Variants in BAHCC1 observed in about 807,000 individuals in gnomAD.
BAHCC1 encodes the protein BAH domain and coiled-coil containing 1.
Under a neutral mutation model 88.2 loss-of-function variants are expected in BAHCC1, and 43 were observed. The observed-to-expected ratio is 0.49, with a 90% confidence interval of 0.38 to 0.63. The LOEUF (loss-of-function observed/expected upper bound fraction) is 0.63, where lower values mean the gene tolerates loss of function less well. Among genes scored for constraint, BAHCC1 ranks in the 20% least tolerant of loss-of-function variants. The pLI is 0.00. For synonymous variants in BAHCC1, 1,510 were observed against 745.5 expected (o/e 2.03, Z -16.71); for missense variants, 3,023 against 1,654.8 (o/e 1.83, Z -14.34).
At chr17:81,424,388 C>G (rs2064149855) in intron 2 of BAHCC1, among the ~76,000 whole-genome samples, 1 of 152,220 alleles carries the variant, frequency 6.6e-6, no homozygotes, top group African/African-American at 2.4e-5. Flanking sequence ...GAGCTGCCCA[C>G]AGCTGTGGGC....
chr17:81,413,750 G>A (rs61140632), intron 2 of BAHCC1, among the ~76,000 whole-genome samples: 27,943 of 152,242 alleles, frequency 0.18, 2,784 homozygotes, highest in Non-Finnish European at 0.2. Context: ...GCGCGGGTGC[G>A]TGACCCTGGC....
At chr17:81,444,231 G>C in intron 6 of BAHCC1, 150 bp from the exon 7 acceptor site, 1 of 617,870 alleles carries the variant, frequency 1.6e-6, no homozygotes, top group African/African-American at 1.8e-5. Context: ...CTCCCTCCCA[G>C]GTTGATGGCA....
At position 81,442,834 on chromosome 17, in the gene BAHCC1, G is replaced by C. The variant is rs868926811; in HGVS notation, c.1485G>C (p.Glu495Asp). The C allele has an allele frequency of 5.1e-6, 4 of 779,570 alleles. No individual in the cohort carries two copies. The Middle Eastern group carries it at 9.0e-4, about 175-fold the overall frequency. The allele number at this position is 779,570 out of a possible 1,614,324, so 48.3% of individuals were successfully genotyped here. The stretch of plus-strand genomic sequence containing the variant: ...GTCTGGACAAAAGCGGCTACTTCGA[G>C]TTGCCCACCTCTTCACAGGACTGTG... ...KSGLDKSGYF[E>D]LPTSSQDCAR... Residue 495 changes from glutamate (E) to aspartate (D), a missense_variant, in exon 5 of 28, where the codon GAG becomes GAC. By Grantham distance (45) the Glu-to-Asp change is conservative. Coordinates refer to ENST00000675386, the MANE Select transcript of BAHCC1 (RefSeq NM_001377448.1).
intron 1 of BAHCC1, among the ~76,000 whole-genome samples, chr17:81,398,363 G>A (rs2063767520): frequency 6.6e-6 from 1 of 152,206 alleles, no homozygotes. Context: ...AGAAAATGGA[G>A]GTGAGGGTTA....
Position 81,461,514 on chromosome 17 carries a change from A to G in BAHCC1, c.6851A>G (p.Tyr2284Cys). 2.7e-6 allele frequency: 2 copies of G among 739,972 alleles called. No homozygotes were observed. The highest frequency in any genetic ancestry group is 1.7e-5 in the African/African-American group (1 of 58,398). The allele number at this position is 739,972 out of a possible 1,614,324, so 45.8% of individuals were successfully genotyped here. ...GGCCAGGCAGAGTTCCCGCTGCCCT[A>G]CGACAGCGACTGCCACAGCTCCTTC... is the stretch of plus-strand genomic sequence containing the variant. ...YAGQAEFPLP[Y>C]DSDCHSSFSD... Residue 2284 changes from tyrosine (Y) to cysteine (C), a missense_variant, in exon 26 of 28, where the codon TAC becomes TGC. Tyr to Cys is a radical substitution (Grantham distance 194). Transcript: ENST00000675386.
chr17:81,401,518 C>T (rs1370885299), intron 2 of BAHCC1: 1 of 152,706 alleles, frequency 6.5e-6, no homozygotes, highest in African/African-American at 2.4e-5. Context: ...CTTCCTGCCC[C>T]TGCATGGGAG....
intron 2 of BAHCC1, chr17:81,409,994 C>A: frequency 4.0e-6 from 1 of 251,086 alleles, no homozygotes; most frequent in Non-Finnish European, 8.6e-6. Flanking sequence ...TGCAGCTGCC[C>A]CGGCCTAAGG....
At chr17:81,452,356 G>T (rs2064655632) in intron 13 of BAHCC1, among the ~76,000 whole-genome samples, 1 of 152,092 alleles carries the variant, frequency 6.6e-6, no homozygotes, top group African/African-American at 2.4e-5. Context: ...TCAGAGCCTG[G>T]TGTGGCAGGA....
At chr17:81,418,065 G>T in intron 2 of BAHCC1, among the ~76,000 whole-genome samples, 1 of 152,226 alleles carries the variant, frequency 6.6e-6, no homozygotes. Flanking sequence ...GCCCCAGGGG[G>T]CCAAGGCACC....
rs1406696189 is a variant in BAHCC1, at chr17:81,399,695, G to A, written c.-45G>A. 3.0e-6 allele frequency: 3 copies of A among 997,492 alleles called. No homozygotes were observed. Among genetic ancestry groups the A allele is most frequent in the Non-Finnish European group, 3.6e-6 (3 of 839,802 alleles). The allele number at this position is 997,492 out of a possible 1,614,324, so 61.8% of individuals were successfully genotyped here. Reference sequence around the variant, plus strand: ...GCCGAGCCGCCCCCGGGCCCCGGCCGCGCTGCTCCGAGGAAGCGGCGGCGG... The same window carrying A: ...GCCGAGCCGCCCCCGGGCCCCGGCCACGCTGCTCCGAGGAAGCGGCGGCGG... On this transcript the variant is annotated 5_prime_UTR_variant, in exon 2 of 28. Transcript: ENST00000675386. This position sits in a 1 kb window ranked among gnomAD's most constrained non-coding sequence, Gnocchi z 4.5.
intron 2 of BAHCC1, among the ~76,000 whole-genome samples, chr17:81,422,509 C>T (rs536658101): frequency 6.0e-4 from 92 of 152,346 alleles, no homozygotes; most frequent in African/African-American, 2.1e-3. Flanking sequence ...TGAGGCTGGT[C>T]AGGTGCAGGG....
At chr17:81,407,425 A>G (rs562763283) in intron 2 of BAHCC1, 1 of 518,238 alleles carries the variant, frequency 1.9e-6, no homozygotes, top group South Asian at 1.4e-5. Flanking sequence ...GCACAGTTGA[A>G]GCTTTGCTTT....
intron 3 of BAHCC1, among the ~76,000 whole-genome samples, chr17:81,437,337 A>AGGGCTG (rs1245341034): frequency 5.9e-5 from 9 of 152,154 alleles, no homozygotes; most frequent in South Asian, 2.1e-4. Context: ...CACTGCACGG[A>AGGGCTG]GGGCTGGGGC....
chr17:81,461,669 A>C lies in BAHCC1; in HGVS notation c.7006A>C (p.Ser2336Arg). The change falls in exon 26 of 28, where the codon AGC (serine) becomes CGC (arginine). Residue 2336 changes from serine (S) to arginine (R), a missense_variant. By Grantham distance (110) the Ser-to-Arg change is moderately radical (BLOSUM62 -1). Coordinates refer to ENST00000675386, the MANE Select transcript of BAHCC1 (RefSeq NM_001377448.1). ...SSSSGSVSTS[S>R]LCSSDNEDSS... ...CTCCTCAGGCTCCGTGTCCACCTCCAGCCTCTGCTCCTCCGACAACGAGGA... is the reference window on the plus strand; with the variant it reads ...CTCCTCAGGCTCCGTGTCCACCTCCCGCCTCTGCTCCTCCGACAACGAGGA... 1 of 728,496 alleles carries C rather than the reference A, an allele frequency of 1.4e-6. No individual in the cohort carries two copies. Among genetic ancestry groups the C allele is most frequent in the East Asian group, 2.6e-5 (1 of 38,632 alleles). 45.1% of individuals were successfully genotyped at this position (728,496 alleles called of 1,614,324 possible). A position where few individuals can be genotyped will look rare whatever the true frequency, so the allele number is the denominator to read the frequency against.
At chr17:81,462,703 C>T (rs782279458) in intron 26 of BAHCC1, 37 bp from the exon 27 acceptor site, 8 of 722,910 alleles carry the variant, frequency 1.1e-5, no homozygotes, top group South Asian at 4.6e-5. Flanking sequence ...CACAGCCCCC[C>T]GGCCTCTCAG....
chr17:81,397,418 A>G (rs1353241705), intron 1 of BAHCC1, among the ~76,000 whole-genome samples: 1 of 147,182 alleles, frequency 6.8e-6, no homozygotes, highest in Non-Finnish European at 1.5e-5. Context: ...AAAAACAACC[A>G]CAAAACAAAA....
Position 81,444,405 on chromosome 17 carries a change from C to A in BAHCC1, c.2349C>A (p.Phe783Leu). 1 of 747,924 alleles carries A rather than the reference C, an allele frequency of 1.3e-6. No homozygotes were observed. Among genetic ancestry groups the A allele is most frequent in the East Asian group, 2.5e-5 (1 of 39,232 alleles). 46.3% of individuals were successfully genotyped at this position (747,924 alleles called of 1,614,324 possible). The change falls in exon 7 of 28, where the codon TTC becomes TTA. Residue 783 changes from phenylalanine (F) to leucine (L), a missense_variant. Coordinates refer to ENST00000675386, the MANE Select transcript of BAHCC1 (RefSeq NM_001377448.1). ...LLQDSKDRVE[F>L]ARIHPPSSCP... The stretch of plus-strand genomic sequence containing the variant: ...GGGACAGCAAAGACCGCGTAGAGTT[C>A]GCCCGGATCCACCCACCGAGCAGCT...
intron 2 of BAHCC1, chr17:81,422,851 C>T (rs139554129): frequency 5.4e-6 from 2 of 373,600 alleles, no homozygotes; most frequent in Non-Finnish European, 1.0e-5. Context: ...GGTGGGAAGG[C>T]CTGGGGGACT....
intron 2 of BAHCC1, among the ~76,000 whole-genome samples, chr17:81,426,289 T>G (rs2064197421): frequency 7.0e-6 from 1 of 142,930 alleles, no homozygotes; most frequent in African/African-American, 2.7e-5. Context: ...GTGATTGTGG[T>G]GGGTGATGTG....
Sources: allele counts gnomAD v4.1 joint callset (sites outside exome capture counted in the v4.1 genomes callset), GRCh38; gene constraint gnomAD v4.1.1; non-coding constraint Gnocchi (gnomAD v3.1); transcripts MANE v1.5; gene names NCBI Gene and HGNC (gene_info 2026-07-23, HGNC 2026-07-21).